The following TTI1 variants were observed in gnomAD, a reference collection of about 807,000 sequenced individuals.
TTI1 encodes TELO2-interacting protein 1 homolog.
A neutral mutation model predicts 85.4 loss-of-function variants in TTI1; 52 were observed. The ratio of observed to expected loss-of-function variants is 0.61; its 90% CI spans 0.49 to 0.77. TTI1 has a LOEUF of 0.77. Among genes scored for constraint, TTI1 ranks in the 30% least tolerant of loss-of-function variants. The pLI is 0.00. For synonymous variants in TTI1, 512 were observed against 503.9 expected, an observed-to-expected ratio of 1.02 and a Z score of -0.22; for missense variants, 1,173 against 1,296.0, an observed-to-expected ratio of 0.91 and a Z score of 1.46.
rs931850409 is a variant in TTI1, at chr20:37,996,860, G to C, written c.2887C>G (p.Gln963Glu). 6.2e-7 allele frequency: 1 copy of C among 1,614,162 alleles called. No individual in the cohort carries two copies. Among genetic ancestry groups the C allele is most frequent in the Non-Finnish European group, 8.5e-7 (1 of 1,180,022 alleles). ...CCAGCCCTGGCACTGATGGGGGCCTGGGTGACTAGGGAGCCAGCCAGCTTT... is the reference window on the plus strand; with the variant it reads ...CCAGCCCTGGCACTGATGGGGGCCTCGGTGACTAGGGAGCCAGCCAGCTTT... ...LPKLAGSLVT[Q>E]APISARAGPV... Residue 963 changes from glutamine to glutamate, a missense_variant, in exon 6 of 8, where the codon CAG (glutamine) becomes GAG (glutamate). Coordinates refer to ENST00000373447, the MANE Select transcript of TTI1 (RefSeq NM_001303457.2).
At position 37,996,435 on chromosome 20, in the gene TTI1, T is replaced by G; in HGVS notation, c.3026A>C (p.Asp1009Ala). The G allele has an allele frequency of 6.2e-7, 1 of 1,613,994 alleles. No individual in the cohort carries two copies. Among genetic ancestry groups the G allele is most frequent in the Non-Finnish European group, 8.5e-7 (1 of 1,180,014 alleles). Residue 1009 changes from aspartate (D) to alanine (A), a missense_variant, in exon 7 of 8, where the codon GAT becomes GCT. Physicochemically the swap from Asp to Ala is moderately radical, Grantham distance 126. Coordinates refer to ENST00000373447, the MANE Select transcript of TTI1 (RefSeq NM_001303457.2). Reference sequence around the variant, plus strand: ...GACACTGAGGTAAATCAAGCAGGCATCAGCCACTTTATTCAGGTCACCCTC... The same window carrying G: ...GACACTGAGGTAAATCAAGCAGGCAGCAGCCACTTTATTCAGGTCACCCTC... The part of the protein sequence containing the change: ...LGEGDLNKVA[D>A]ACLIYLSVKQ...
At chr20:38,000,093 C>T (rs2073400745) in intron 4 of TTI1, among the ~76,000 whole-genome samples, 1 of 152,164 alleles carries the variant, frequency 6.6e-6, no homozygotes, top group Non-Finnish European at 1.5e-5. Flanking sequence ...GACTGGATAT[C>T]TGTTTTGGAG....
chr20:38,005,984 C>A (rs1004872197), intron 3 of TTI1: 2 of 543,496 alleles, frequency 3.7e-6, no homozygotes, highest in Non-Finnish European at 6.4e-6. Context: ...TAACTAAACA[C>A]AAAAAGGGTA....
At chr20:37,993,335 CT>C (rs1458360834) in intron 7 of TTI1, among the ~76,000 whole-genome samples, 23 of 152,064 alleles carry the variant, frequency 1.5e-4, no homozygotes, top group South Asian at 2.1e-4. Context: ...CAACCACCCC[CT>C]GATCAATGTC....
In TTI1 at chr20:37,999,336, A is replaced by G; in HGVS notation, c.2653-8T>C. 7.2e-7 allele frequency: 1 copy of G among 1,397,984 alleles called. No individual in the cohort carries two copies. The highest frequency in any genetic ancestry group is 9.4e-7 in the Non-Finnish European group (1 of 1,066,484). The allele number at this position is 1,397,984 out of a possible 1,614,324, so 86.6% of individuals were successfully genotyped here. Reference sequence around the variant, plus strand: ...ATCCAGCACATCCAAGACCTGAAAGAGACACGATTTCAGCAGATGGTATAG... The same window carrying G: ...ATCCAGCACATCCAAGACCTGAAAGGGACACGATTTCAGCAGATGGTATAG... On this transcript the variant is annotated splice_region_variant and splice_polypyrimidine_tract_variant and intron_variant, in intron 4 of 7. Transcript: ENST00000373447.
Position 38,011,714 on chromosome 20 carries a change from C to A in TTI1, c.2103G>T (p.Gly701=). The part of the protein sequence containing the change: ...INQNSDYLVN[G]ISLNLRHLAL... Reference sequence around the variant, plus strand: ...CCAGATGACGCAGATTTAAAGAGATCCCATTCACTAAATAGTCTGAATTTT... The same window carrying A: ...CCAGATGACGCAGATTTAAAGAGATACCATTCACTAAATAGTCTGAATTTT... The change falls in exon 2 of 8, where the codon GGG becomes GGT. Residue 701 remains glycine (G), a synonymous_variant. Transcript: ENST00000373447. 1 of 1,614,194 alleles carries A rather than the reference C, an allele frequency of 6.2e-7. No homozygotes were observed. The highest frequency in any genetic ancestry group is 1.1e-5 in the South Asian group (1 of 91,076).
intron 1 of TTI1, among the ~76,000 whole-genome samples, chr20:38,016,894 AT>A (rs1391278014): frequency 1.6e-4 from 25 of 152,218 alleles, no homozygotes; most frequent in Admixed American, 1.6e-3. Context: ...ATACCTAAGC[AT>A]TACCATGGCA....
chr20:38,014,815 AAGG>A (rs2122601068), intron 1 of TTI1, among the ~76,000 whole-genome samples: 1 of 152,300 alleles, frequency 6.6e-6, no homozygotes, highest in African/African-American at 2.4e-5. Flanking sequence ...GACAGTGAAC[AAGG>A]AGAAGGATAA....
chr20:38,030,887 C>G (rs185315190), intron 1 of TTI1, among the ~76,000 whole-genome samples: 315 of 152,314 alleles, frequency 2.1e-3, no homozygotes, highest in African/African-American at 6.9e-3. Flanking sequence ...CAAATGCTTG[C>G]TCTTACTCTC....
intron 7 of TTI1, among the ~76,000 whole-genome samples, chr20:37,988,539 C>G (rs1600601008): frequency 6.6e-6 from 1 of 152,350 alleles, no homozygotes; most frequent in East Asian, 1.9e-4. Context: ...TCCTGGGTGA[C>G]AGGCTATTCT....
Position 38,012,335 on chromosome 20 carries a change from T to C in TTI1, c.1482A>G (p.Leu494=), listed in dbSNP as rs749362906. The C allele has an allele frequency of 2.5e-6, 4 of 1,614,176 alleles. No individual in the cohort carries two copies. The East Asian group carries it at 6.7e-5, about 27-fold the overall frequency. ...IFMLLRQVCQ[L]LGYYGNLYLL... is the part of the protein sequence containing the mutation. ...AATAAAGATTCCCATAATAACCAAG[T>C]AGCTGACAAACCTGCCTCAAGAGCA... Residue 494 remains leucine, a synonymous_variant, in exon 2 of 8, where the codon CTA becomes CTG. Coordinates refer to ENST00000373447, the MANE Select transcript of TTI1 (RefSeq NM_001303457.2).
At chr20:38,024,507 TGAA>T (rs898552426) in intron 1 of TTI1, among the ~76,000 whole-genome samples, 110 of 152,172 alleles carry the variant, frequency 7.2e-4, no homozygotes, top group Middle Eastern at 3.4e-3. Context: ...GCCCTGGAGC[TGAA>T]GAAGCTGGCA....
chr20:38,011,900 A>G lies in TTI1; in HGVS notation c.1917T>C (p.Tyr639=), dbSNP rs750840094. The change falls in exon 2 of 8, where the codon TAT becomes TAC. Residue 639 remains tyrosine, a synonymous_variant. Transcript: ENST00000373447. ...GCAAACAGAAGTCTTTTCCTAGTGC[A>G]TATGCAAACTGGCCAATTCCTTCCA... The part of the protein sequence containing the change: ...IQLEGIGQFA[Y]ALGKDFCLLL... 74 of 1,614,134 alleles carry G rather than the reference A, an allele frequency of 4.6e-5. No individual in the cohort carries two copies. Among genetic ancestry groups the G allele is most frequent in the Non-Finnish European group, 6.2e-5 (73 of 1,180,056 alleles).
chr20:37,990,332 G>A (rs1238120144), intron 7 of TTI1, among the ~76,000 whole-genome samples: 1 of 152,158 alleles, frequency 6.6e-6, no homozygotes, highest in Non-Finnish European at 1.5e-5. Context: ...GTGGTATTTT[G>A]TGCTACCTGA....
intron 7 of TTI1, among the ~76,000 whole-genome samples, chr20:37,988,422 T>A (rs2073221074): frequency 6.6e-6 from 1 of 152,146 alleles, no homozygotes; most frequent in Non-Finnish European, 1.5e-5. Flanking sequence ...GTTCTCACCA[T>A]CTCTGTCTAG....
chr20:37,996,628 A>C, intron 6 of TTI1, 121 bp downstream of exon 6: 1 of 1,409,644 alleles, frequency 7.1e-7, no homozygotes, highest in Non-Finnish European at 9.8e-7. Flanking sequence ...TGAGGCCAAA[A>C]TAAGACGGAA....
chr20:38,012,050 G>T lies in TTI1; in HGVS notation c.1767C>A (p.His589Gln). 6.2e-7 allele frequency: 1 copy of T among 1,614,226 alleles called. No individual in the cohort carries two copies. Among genetic ancestry groups the T allele is most frequent in the South Asian group, 1.1e-5 (1 of 91,082 alleles). Residue 589 changes from histidine (H) to glutamine (Q), a missense_variant, in exon 2 of 8, where the codon CAC becomes CAA. By Grantham distance (24) the His-to-Gln change is conservative. Coordinates refer to ENST00000373447, the MANE Select transcript of TTI1 (RefSeq NM_001303457.2). Reference protein sequence around the residue: ...EEMGEELMMEHPGLQAITSGE... With the variant: ...EEMGEELMMEQPGLQAITSGE... ...CAGACGTGATGGCTTGGAGGCCTGGGTGCTCCATCATCAGCTCCTCTCCCA... is the reference window on the plus strand; with the variant it reads ...CAGACGTGATGGCTTGGAGGCCTGGTTGCTCCATCATCAGCTCCTCTCCCA...
intron 7 of TTI1, among the ~76,000 whole-genome samples, chr20:37,993,075 T>G (rs1272266155): frequency 6.6e-6 from 1 of 151,826 alleles, no homozygotes; most frequent in African/African-American, 2.4e-5. Context: ...TGTTATCCAT[T>G]GAAGTTACTT....
chr20:38,003,017 G>GT (rs1368180718), intron 3 of TTI1, among the ~76,000 whole-genome samples: 5 of 152,200 alleles, frequency 3.3e-5, no homozygotes, highest in Middle Eastern at 3.2e-3. Context: ...CTGGAGTACA[G>GT]TGGTGTGAAC....
Sources: allele counts gnomAD v4.1 joint callset (sites outside exome capture counted in the v4.1 genomes callset), GRCh38; gene constraint gnomAD v4.1.1; transcripts MANE v1.5; gene names NCBI Gene and HGNC (gene_info 2026-07-23, HGNC 2026-07-21).